Variants in OTOF observed in about 807,000 individuals in gnomAD.
OTOF encodes the protein otoferlin, also known as fer-1-like family member 2.
OTOF carries 218 observed loss-of-function variants against 236.8 expected under a neutral mutation model. The ratio of observed to expected loss-of-function variants is 0.92; its 90% CI spans 0.82 to 1.03. The LOEUF (loss-of-function observed/expected upper bound fraction) is 1.03. Ranked by LOEUF, OTOF falls within the 50% of genes least tolerant of loss-of-function variation. OTOF has a pLI of 0.00. For synonymous variants in OTOF, 1,041 were observed against 1,072.5 expected (o/e 0.97, Z 0.57); for missense variants, 2,590 against 2,694.4 (o/e 0.96, Z 0.86).
intron 5 of OTOF, among the ~76,000 whole-genome samples, chr2:26,512,198 T>C (rs1373194280): frequency 6.6e-6 from 1 of 151,884 alleles, no homozygotes; most frequent in Non-Finnish European, 1.5e-5. Flanking sequence ...CCAGGCCAGG[T>C]GGAGAAAATG....
Position 26,473,941 on chromosome 2 carries a change from GTCCTCAGACTCC to G in OTOF, c.3408+38_3408+49del, listed in dbSNP as rs1665123197. ...GATGACAAGCCACTTCCCCTCCTGG[GTCCTCAGACTCC>G]TCATCCAAAAGGGAAGGGCCACACA... On this transcript the variant is annotated intron_variant, in intron 27 of 46. Coordinates refer to ENST00000272371, the MANE Select transcript of OTOF (RefSeq NM_194248.3). This position sits in a 1 kb window ranked among gnomAD's most constrained non-coding sequence, Gnocchi z 7.2. 3 of 1,610,876 alleles carry G rather than the reference GTCCTCAGACTCC, an allele frequency of 1.9e-6. No homozygotes were observed. Among genetic ancestry groups the G allele is most frequent in the Non-Finnish European group, 2.5e-6 (3 of 1,178,514 alleles).
chr2:26,493,480 G>A (rs1285682130), intron 9 of OTOF, among the ~76,000 whole-genome samples: 1 of 152,200 alleles, frequency 6.6e-6, no homozygotes, highest in African/African-American at 2.4e-5. Context: ...GGATGGCAGG[G>A]CCCAGGCCTG....
rs1664384152 is a variant in OTOF, at chr2:26,460,020, T to G, written c.*5A>C. 1 of 1,565,110 alleles carries G rather than the reference T, an allele frequency of 6.4e-7. No individual in the cohort carries two copies. Among genetic ancestry groups the G allele is most frequent in the Non-Finnish European group, 8.7e-7 (1 of 1,154,854 alleles). On this transcript the variant is annotated 3_prime_UTR_variant, in exon 46 of 47. Transcript: ENST00000272371. This position sits in a 1 kb window ranked among gnomAD's most constrained non-coding sequence, Gnocchi z 5.3. Reference sequence around the variant, plus strand: ...AGAAATATCAGACCCAGGAGGCCACTGGGCTCAGGCCCCGAGGATTTTCTT... The same window carrying G: ...AGAAATATCAGACCCAGGAGGCCACGGGGCTCAGGCCCCGAGGATTTTCTT...
At chr2:26,524,602 C>T (rs1423262056) in intron 3 of OTOF, among the ~76,000 whole-genome samples, 1 of 152,232 alleles carries the variant, frequency 6.6e-6, no homozygotes, top group Non-Finnish European at 1.5e-5. Flanking sequence ...CCAAATACTT[C>T]TGATTTGTTT....
At chr2:26,463,595 T>A in intron 40 of OTOF, 24 bp from the exon 41 acceptor site, 1 of 1,558,752 alleles carries the variant, frequency 6.4e-7, no homozygotes, top group Non-Finnish European at 8.7e-7. Flanking sequence ...TTGTGGCAGA[T>A]CTCCCAGGGC....
intron 5 of OTOF, among the ~76,000 whole-genome samples, chr2:26,513,561 G>A (rs1197314348): frequency 2.0e-5 from 3 of 152,190 alleles, no homozygotes; most frequent in Non-Finnish European, 2.9e-5. Context: ...TGATCCCCAC[G>A]CCGGACCCTA....
At chr2:26,458,466 A>G (rs1248119924) in intron 46 of OTOF, among the ~76,000 whole-genome samples, 2 of 152,222 alleles carry the variant, frequency 1.3e-5, no homozygotes, top group Non-Finnish European at 2.9e-5. Flanking sequence ...AGCTACTTGC[A>G]GCATGGGGCA....
chr2:26,527,520 T>C (rs537541575), intron 3 of OTOF, among the ~76,000 whole-genome samples: 4 of 152,074 alleles, frequency 2.6e-5, no homozygotes, highest in African/African-American at 9.7e-5. Flanking sequence ...AGCGTGGCAT[T>C]GAGGGAGACT....
At position 26,480,228 on chromosome 2, in the gene OTOF, C is replaced by T; in HGVS notation, c.1887G>A (p.Lys629=). Residue 629 remains lysine, a synonymous_variant, in exon 16 of 47, where the codon AAG becomes AAA. Coordinates refer to ENST00000272371, the MANE Select transcript of OTOF (RefSeq NM_194248.3). ...CTATGGTGACCTCAAAGGTGATGGG[C>T]TTGTCTCCGTTTCTCCGGTCGATCA... ...ASMIDRRNGD[K]PITFEVTIGN... is the part of the protein sequence containing the mutation. The T allele has an allele frequency of 6.2e-7, 1 of 1,612,410 alleles. No homozygotes were observed. The highest frequency in any genetic ancestry group is 2.2e-5 in the East Asian group (1 of 44,884).
chr2:26,483,719 A>C, intron 12 of OTOF, 71 bp from the exon 13 acceptor site: 3 of 1,379,764 alleles, frequency 2.2e-6, no homozygotes, highest in South Asian at 1.2e-5. Context: ...GCATCTACAC[A>C]CTCCTGGGTC....
chr2:26,541,436 A>T (rs774553106), intron 1 of OTOF, among the ~76,000 whole-genome samples: 1 of 152,196 alleles, frequency 6.6e-6, no homozygotes. Flanking sequence ...TTCTTTTTTA[A>T]AAAAGGTTTG....
intron 1 of OTOF, among the ~76,000 whole-genome samples, chr2:26,557,150 T>C (rs1353700524): frequency 6.6e-6 from 1 of 152,120 alleles, no homozygotes; most frequent in Non-Finnish European, 1.5e-5. Context: ...GGCCTCTGGG[T>C]AGGTGATGTG....
Position 26,460,003 on chromosome 2 carries a change from C to T in OTOF, c.*17+5G>A, listed in dbSNP as rs1281258717. ...GTCCAGAGGAAGAAGTAAGAAATAT[C>T]AGACCCAGGAGGCCACTGGGCTCAG... On this transcript the variant is annotated splice_donor_5th_base_variant and intron_variant, in intron 46 of 46. Transcript: ENST00000272371. The surrounding 1 kb of genome is among the most constrained non-coding windows in gnomAD (Gnocchi z 5.3). 1.3e-6 allele frequency: 2 copies of T among 1,557,686 alleles called. No individual in the cohort carries two copies. The highest frequency in any genetic ancestry group is 2.7e-5 in the African/African-American group (2 of 73,734).
chr2:26,482,413 T>C lies in OTOF; in HGVS notation c.1572A>G (p.Gly524=). ...GGGTCTCCCGCTGCTGACCTTTGTC[T>C]CCGTCATTAGAAATCTTGCGCAGGT... The part of the protein sequence containing the change: ...FIDLRKISND[G]DKGFLPTLGP... Residue 524 remains glycine, a synonymous_variant, in exon 14 of 47, where the codon GGA becomes GGG. Transcript: ENST00000272371. 1 of 1,613,236 alleles carries C rather than the reference T, an allele frequency of 6.2e-7. No homozygotes were observed. The highest frequency in any genetic ancestry group is 8.5e-7 in the Non-Finnish European group (1 of 1,180,002).
At chr2:26,542,393 T>C (rs1667231226) in intron 1 of OTOF, among the ~76,000 whole-genome samples, 1 of 152,218 alleles carries the variant, frequency 6.6e-6, no homozygotes, top group South Asian at 2.1e-4. Flanking sequence ...AAGAGCGTAT[T>C]ACAATCCAGA....
Position 26,480,842 on chromosome 2 carries a change from G to T in OTOF, c.1747C>A (p.Pro583Thr), listed in dbSNP as rs756894987. The change falls in exon 15 of 47, where the codon CCT (proline) becomes ACT (threonine). Residue 583 changes from proline to threonine, a missense_variant. Around this residue, in one of 2 missense-constraint regions of OTOF, gnomAD observed 1,379 missense variants for 1,341.6 expected, o/e 1.03. Transcript: ENST00000272371. ...ACCTCTGTGGAGCTGGTGAGCTCAG[G>T]GTTGGAGGTGTCTACGATCTCCACA... ...LAVEIVDTSN[P>T]ELTSSTEVQV... 2 of 1,612,754 alleles carry T rather than the reference G, an allele frequency of 1.2e-6. No individual in the cohort carries two copies. Among genetic ancestry groups the T allele is most frequent in the East Asian group, 2.2e-5 (1 of 44,868 alleles).
At chr2:26,543,706 A>C (rs1338176902) in intron 1 of OTOF, among the ~76,000 whole-genome samples, 2 of 152,176 alleles carry the variant, frequency 1.3e-5, no homozygotes, top group Non-Finnish European at 2.9e-5. Context: ...TTTCTCCTTC[A>C]TTCTATTTTG....
intron 5 of OTOF, among the ~76,000 whole-genome samples, chr2:26,515,579 T>TTCAGCA (rs1666503161): frequency 6.6e-6 from 1 of 152,214 alleles, no homozygotes; most frequent in African/African-American, 2.4e-5. Context: ...GCAGAGGGAC[T>TTCAGCA]GAGTAAACTT....
chr2:26,549,459 A>G (rs112640837), intron 1 of OTOF, among the ~76,000 whole-genome samples: 1,998 of 152,288 alleles, frequency 0.013, 45 homozygotes, highest in African/African-American at 0.045. Context: ...AAAATCACCA[A>G]TGACTCACAG....
Sources: gnomAD v4.1 joint callset for allele counts (sites outside exome capture counted in the v4.1 genomes callset) on GRCh38, gnomAD v4.1.1 for gene constraint, gnomAD v4.1.1 regional missense constraint, Gnocchi (gnomAD v3.1) non-coding constraint, MANE v1.5 for transcripts, NCBI Gene and HGNC (gene_info 2026-07-23, HGNC 2026-07-21) for gene names.